Variants in DIAPH3 observed in about 807,000 individuals in gnomAD.
DIAPH3 encodes the protein protein diaphanous homolog 3.
Under a neutral mutation model 144.3 loss-of-function variants are expected in DIAPH3, and 117 were observed. The observed-to-expected ratio is 0.81, with a 90% CI of 0.70 to 0.95. DIAPH3 has a LOEUF of 0.95. Ranked by LOEUF, DIAPH3 falls within the 40% of genes least tolerant of loss-of-function variation. DIAPH3 has a pLI of 0.00. For synonymous variants in DIAPH3, 519 were observed against 488.9 expected, an observed-to-expected ratio of 1.06 and a Z score of -0.81; for missense variants, 1,421 against 1,412.7, an observed-to-expected ratio of 1.01 and a Z score of -0.09.
intron 21 of DIAPH3, among the ~76,000 whole-genome samples, chr13:59,861,834 T>C (rs1055874499): frequency 6.6e-6 from 1 of 152,162 alleles, no homozygotes; most frequent in Non-Finnish European, 1.5e-5. Context: ...TATTTAATAG[T>C]AGTATTTAAA....
At chr13:59,754,345 A>G (rs2037154591) in intron 27 of DIAPH3, among the ~76,000 whole-genome samples, 2 of 152,198 alleles carry the variant, frequency 1.3e-5, no homozygotes, top group Non-Finnish European at 2.9e-5. Flanking sequence ...AGTTTGAGAC[A>G]ATGCAAATAA....
At chr13:59,974,053 A>G (rs752158052) in intron 15 of DIAPH3, among the ~76,000 whole-genome samples, 1 of 152,166 alleles carries the variant, frequency 6.6e-6, no homozygotes, top group African/African-American at 2.4e-5. Context: ...TCAGTGATGA[A>G]TAACAAATCT....
chr13:59,990,720 T>C (rs372638921), intron 12 of DIAPH3, among the ~76,000 whole-genome samples: 53 of 152,110 alleles, frequency 3.5e-4, no homozygotes, highest in African/African-American at 1.2e-3. Context: ...GCCATTTGTC[T>C]GGCTTTTTGA....
intron 22 of DIAPH3, among the ~76,000 whole-genome samples, chr13:59,859,164 C>CA (rs1182369390): frequency 1.3e-5 from 2 of 152,072 alleles, no homozygotes; most frequent in Admixed American, 6.6e-5. Context: ...TTATGCTTAA[C>CA]AATCACCTAT....
chr13:60,093,764 G>C, intron 3 of DIAPH3, 32 bp from the exon 4 acceptor site: 1 of 1,405,670 alleles, frequency 7.1e-7, no homozygotes, highest in South Asian at 1.2e-5. Flanking sequence ...CCTCATTTTA[G>C]AATCTAAGTA....
intron 27 of DIAPH3, among the ~76,000 whole-genome samples, chr13:59,707,364 G>C (rs1464730429): frequency 1.3e-5 from 2 of 152,288 alleles, no homozygotes; most frequent in South Asian, 2.1e-4. Flanking sequence ...AACTGGTTAA[G>C]TATCTGGAAA....
rs935808828 is a variant in DIAPH3 at position 59,940,180 on chromosome 13, C to T, written c.2075-15310G>A. ...TGAAATGGGGAGCGAGGTAACCTTT[C>T]GTTAATGGGAATGCAGTGGCTTAAA... On this transcript the variant is annotated intron_variant, in intron 17 of 27. Coordinates refer to ENST00000400324, the MANE Select transcript of DIAPH3 (RefSeq NM_001042517.2). Among the ~76,000 whole-genome samples, 7 of 152,040 alleles carry T rather than the reference C, an allele frequency of 4.6e-5. No homozygotes were observed. The South Asian group carries it at 6.2e-4, about 14-fold the overall frequency.
chr13:59,850,229 T>C lies in DIAPH3; in HGVS notation c.2738-10781A>G, dbSNP rs529282950. Among the ~76,000 whole-genome samples, 54 of 152,066 alleles carry C rather than the reference T, an allele frequency of 3.6e-4. 1 individual carries two copies. The highest frequency in any genetic ancestry group is 2.4e-3 in the Admixed American group (37 of 15,270). ...TTAAGGAGATTTTGGGCTGAGACGA[T>C]GGGGTTTTCTAGATAAACAATCATG... On this transcript the variant is annotated intron_variant, in intron 22 of 27. Transcript: ENST00000400324.
intron 3 of DIAPH3, among the ~76,000 whole-genome samples, chr13:60,094,931 G>GTTTGT (rs1410630791): frequency 6.6e-6 from 1 of 152,170 alleles, no homozygotes; most frequent in Non-Finnish European, 1.5e-5. Flanking sequence ...GTGAATAAGT[G>GTTTGT]TTTGTTTTGT....
At chr13:59,780,016 C>T (rs950201310) in intron 25 of DIAPH3, among the ~76,000 whole-genome samples, 1 of 152,014 alleles carries the variant, frequency 6.6e-6, no homozygotes, top group Non-Finnish European at 1.5e-5. Context: ...GCATATGGTA[C>T]GGTGTGCCAG....
At chr13:59,921,392 T>C (rs1372165646) in intron 18 of DIAPH3, among the ~76,000 whole-genome samples, 4 of 151,160 alleles carry the variant, frequency 2.6e-5, no homozygotes, top group Non-Finnish European at 4.4e-5. Flanking sequence ...TGAAAAGATA[T>C]TACAACTGAC....
chr13:60,141,151 C>T (rs1456212807), intron 1 of DIAPH3, among the ~76,000 whole-genome samples: 1 of 152,084 alleles, frequency 6.6e-6, no homozygotes, highest in Non-Finnish European at 1.5e-5. Flanking sequence ...TAAAAGAAAT[C>T]TATCATTTTT....
intron 27 of DIAPH3, among the ~76,000 whole-genome samples, chr13:59,676,281 A>G (rs2032642192): frequency 6.6e-6 from 1 of 152,200 alleles, no homozygotes; most frequent in African/African-American, 2.4e-5. Flanking sequence ...TCATCAGGCA[A>G]TATATTCTAC....
At chr13:59,787,309 A>G (rs2039086153) in intron 25 of DIAPH3, among the ~76,000 whole-genome samples, 2 of 152,258 alleles carry the variant, frequency 1.3e-5, no homozygotes, top group South Asian at 4.1e-4. Flanking sequence ...AAACATTTCA[A>G]CATTAAAAGA....
At chr13:59,950,943 T>C (rs1243484734) in intron 17 of DIAPH3, among the ~76,000 whole-genome samples, 1 of 151,658 alleles carries the variant, frequency 6.6e-6, no homozygotes, top group Non-Finnish European at 1.5e-5. Flanking sequence ...TGTAGTGGAG[T>C]TTAGGGTGGT....
chr13:59,764,472 T>C (rs1269143070), intron 27 of DIAPH3, among the ~76,000 whole-genome samples: 1 of 151,342 alleles, frequency 6.6e-6, no homozygotes, highest in African/African-American at 2.4e-5. Context: ...GTGTTGTGGA[T>C]TGAACTGTGT....
intron 18 of DIAPH3, among the ~76,000 whole-genome samples, chr13:59,919,904 T>C (rs1051746726): frequency 2.0e-5 from 3 of 151,942 alleles, no homozygotes; most frequent in Non-Finnish European, 4.4e-5. Context: ...ACATCAAAAA[T>C]TCAAAATTCA....
intron 20 of DIAPH3, among the ~76,000 whole-genome samples, chr13:59,886,317 TG>T (rs1236557933): frequency 2.6e-5 from 4 of 152,132 alleles, no homozygotes; most frequent in Non-Finnish European, 5.9e-5. Context: ...GGTATTTTTG[TG>T]GGTCTATTTC....
intron 14 of DIAPH3, among the ~76,000 whole-genome samples, chr13:59,978,230 A>C (rs889354781): frequency 6.6e-6 from 1 of 151,780 alleles, no homozygotes; most frequent in South Asian, 2.1e-4. Context: ...TGTTGAACGA[A>C]GTGATGAGCC....
Sources: allele counts gnomAD v4.1 joint callset (sites outside exome capture counted in the v4.1 genomes callset), GRCh38; gene constraint gnomAD v4.1.1; transcripts MANE v1.5; gene names NCBI Gene and HGNC (gene_info 2026-07-23, HGNC 2026-07-21).